ZNF280D: variants seen among roughly 807,000 people sequenced by gnomAD.
ZNF280D encodes the protein zinc finger protein 280D.
A neutral mutation model predicts 94.7 loss-of-function variants in ZNF280D; 39 were observed. The observed-to-expected ratio is 0.41, with a 90% CI of 0.32 to 0.54. The LOEUF (loss-of-function observed/expected upper bound fraction) is 0.54. Ranked by LOEUF, ZNF280D falls within the 20% of genes least tolerant of loss-of-function variation. The pLI is 0.22. For synonymous variants in ZNF280D, 398 were observed against 377.6 expected, an observed-to-expected ratio of 1.05 and a Z score of -0.63; for missense variants, 1,090 against 1,149.3, an observed-to-expected ratio of 0.95 and a Z score of 0.75.
chr15:56,652,803 G>A (rs1268292102), intron 19 of ZNF280D: 2 of 984,150 alleles, frequency 2.0e-6, no homozygotes, highest in Admixed American at 6.2e-5. Flanking sequence ...ATCCCAATAG[G>A]ACAGAGTATC....
In ZNF280D at chr15:56,654,520, TA is replaced by T; in HGVS notation, c.2058-18del. 1 of 1,551,676 alleles carries T rather than the reference TA, an allele frequency of 6.4e-7. No homozygotes were observed. Among genetic ancestry groups the T allele is most frequent in the Non-Finnish European group, 8.7e-7 (1 of 1,153,226 alleles). On this transcript the variant is annotated intron_variant, in intron 17 of 21. Transcript: ENST00000267807. ...GTAATGCCCCTAAAAAAAAAAGCAT[TA>T]AAAAAAGATTTTTATCTTTTATGAA...
At chr15:56,654,076 A>G in intron 19 of ZNF280D, 122 bp downstream of exon 19, 2 of 1,506,434 alleles carry the variant, frequency 1.3e-6, no homozygotes, top group Non-Finnish European at 1.8e-6. Context: ...GCAGCTTTAA[A>G]AAAAAAACAA....
At chr15:56,728,306 C>T (rs1163206718) in intron 1 of ZNF280D, among the ~76,000 whole-genome samples, 1 of 152,214 alleles carries the variant, frequency 6.6e-6, no homozygotes, top group African/African-American at 2.4e-5. Context: ...AGGCATAAGC[C>T]ACCACACCCG....
intron 16 of ZNF280D, among the ~76,000 whole-genome samples, chr15:56,665,262 C>T (rs2054208025): frequency 2.0e-5 from 3 of 152,054 alleles, no homozygotes; most frequent in African/African-American, 7.2e-5. Context: ...ACTTATAATA[C>T]ATTAATTCTA....
intron 6 of ZNF280D, among the ~76,000 whole-genome samples, chr15:56,696,258 T>C (rs139168037): frequency 5.3e-4 from 81 of 152,296 alleles, no homozygotes; most frequent in African/African-American, 1.9e-3. Flanking sequence ...AATGGAAAAG[T>C]TACTTCTGAG....
chr15:56,709,377 G>A (rs1447214410), intron 1 of ZNF280D, among the ~76,000 whole-genome samples: 1 of 150,462 alleles, frequency 6.6e-6, no homozygotes, highest in Non-Finnish European at 1.5e-5. Flanking sequence ...TAGAGAGGAT[G>A]TGGAGAAATA....
intron 20 of ZNF280D, among the ~76,000 whole-genome samples, chr15:56,642,579 T>C (rs2052681163): frequency 6.6e-6 from 1 of 151,772 alleles, no homozygotes; most frequent in Non-Finnish European, 1.5e-5. Flanking sequence ...TAGTTTAACC[T>C]TTTGACAGTT....
chr15:56,652,589 G>T (rs1275528488), intron 19 of ZNF280D: 1 of 963,010 alleles, frequency 1.0e-6, no homozygotes, highest in Middle Eastern at 5.3e-4. Context: ...AATATATAAA[G>T]GAAAGAAATA....
intron 20 of ZNF280D, among the ~76,000 whole-genome samples, 159 bp downstream of exon 20, chr15:56,642,793 T>C (rs2052692420): frequency 6.6e-6 from 1 of 151,742 alleles, no homozygotes; most frequent in South Asian, 2.1e-4. Flanking sequence ...GATATTTTTA[T>C]ATGTAATGAA....
At chr15:56,690,936 AGTTAT>A (rs1164813649) in intron 7 of ZNF280D, among the ~76,000 whole-genome samples, 8 of 152,064 alleles carry the variant, frequency 5.3e-5, no homozygotes, top group Admixed American at 2.0e-4. Context: ...GTCACTCTCT[AGTTAT>A]GTTAACTTGT....
At chr15:56,694,300 C>T (rs990397241) in intron 6 of ZNF280D, among the ~76,000 whole-genome samples, 12 of 73,470 alleles carry the variant, frequency 1.6e-4, no homozygotes, top group African/African-American at 6.7e-4. Flanking sequence ...CACATACACA[C>T]ACACACACAC....
intron 13 of ZNF280D, among the ~76,000 whole-genome samples, chr15:56,669,963 T>TATATATATA (rs2054695872): frequency 7.4e-4 from 1 of 1,350 alleles, no homozygotes; most frequent in African/African-American, 3.3e-3. Context: ...ATATATATAT[T>TATATATATA]ATATATATAT....
intron 1 of ZNF280D, among the ~76,000 whole-genome samples, chr15:56,726,185 T>C (rs549485981): frequency 1.3e-5 from 2 of 150,476 alleles, no homozygotes; most frequent in East Asian, 3.9e-4. Context: ...CCTGTATTCA[T>C]TAGAGATGTA....
At chr15:56,707,731 A>G (rs1185737680) in intron 1 of ZNF280D, among the ~76,000 whole-genome samples, 1 of 152,086 alleles carries the variant, frequency 6.6e-6, no homozygotes, top group Non-Finnish European at 1.5e-5. Flanking sequence ...CTGGCTTTTT[A>G]TCAACCGAAA....
chr15:56,677,853 C>T (rs1356635552), intron 11 of ZNF280D, among the ~76,000 whole-genome samples, 179 bp from the exon 12 acceptor site: 1 of 152,154 alleles, frequency 6.6e-6, no homozygotes, highest in African/African-American at 2.4e-5. Flanking sequence ...CCTACATTAA[C>T]TCAACTCCTA....
At chr15:56,694,914 T>C (rs2056656071) in intron 6 of ZNF280D, among the ~76,000 whole-genome samples, 1 of 152,180 alleles carries the variant, frequency 6.6e-6, no homozygotes, top group African/African-American at 2.4e-5. Flanking sequence ...ATGGGAACTG[T>C]TTGTACTATT....
rs1188794193 is a variant in ZNF280D, at chr15:56,631,810, A to C, written c.2628T>G (p.Phe876Leu). 1 of 1,614,088 alleles carries C rather than the reference A, an allele frequency of 6.2e-7. No individual in the cohort carries two copies. Among genetic ancestry groups the C allele is most frequent in the East Asian group, 2.2e-5 (1 of 44,874 alleles). The stretch of plus-strand genomic sequence containing the variant: ...GCAAATCCTTAATATTCTTTGAAGA[A>C]AATCTGGCTTCACTGGAGTTGTGAT... ...IKDHNSSEAR[F>L]SSKNIKDLRL... Residue 876 changes from phenylalanine (F) to leucine (L), a missense_variant, in exon 22 of 22, where the codon TTT becomes TTG. By Grantham distance (22) the Phe-to-Leu change is conservative (BLOSUM62 0). This residue lies in a region of ZNF280D where 577 missense variants were observed against 568.8 expected (regional missense o/e 1.01). Transcript: ENST00000267807.
chr15:56,671,737 T>G (rs979084241), intron 13 of ZNF280D, among the ~76,000 whole-genome samples: 1 of 152,160 alleles, frequency 6.6e-6, no homozygotes, highest in African/African-American at 2.4e-5. Flanking sequence ...TTAATGGGAA[T>G]AGCACTGAAT....
At chr15:56,658,380 T>A (rs768558207) in intron 17 of ZNF280D, 44 bp downstream of exon 17, 3 of 1,477,416 alleles carry the variant, frequency 2.0e-6, no homozygotes, top group Non-Finnish European at 2.8e-6. Flanking sequence ...TTTAAGTCAT[T>A]ACAATTTTTC....
Sources: gnomAD v4.1 joint callset for allele counts (sites outside exome capture counted in the v4.1 genomes callset) on GRCh38, gnomAD v4.1.1 for gene constraint, gnomAD v4.1.1 regional missense constraint, MANE v1.5 for transcripts, NCBI Gene and HGNC (gene_info 2026-07-23, HGNC 2026-07-21) for gene names.